The following HS3ST3A1 variants were observed in gnomAD, a reference collection of about 807,000 sequenced individuals.
The protein encoded by HS3ST3A1 is heparan sulfate-glucosamine 3-sulfotransferase 3A1, also known as heparan sulfate glucosamine 3-O-sulfotransferase 3A1.
HS3ST3A1 carries 19 observed loss-of-function variants against 25.7 expected under a neutral mutation model. The ratio of observed to expected loss-of-function variants is 0.74; its 90% CI spans 0.52 to 1.08. The LOEUF is 1.08. Ranked by LOEUF, HS3ST3A1 falls within the 50% of genes least tolerant of loss-of-function variation. HS3ST3A1 has a pLI of 0.00. For missense variants in HS3ST3A1, 459 were observed against 594.3 expected (o/e 0.77, Z 2.37); for synonymous variants, 226 against 278.6 (o/e 0.81, Z 1.88).
In HS3ST3A1 at chr17:13,495,241, A is replaced by G. The variant is rs1598404087; in HGVS notation, c.*956T>C. Among the ~76,000 whole-genome samples the G allele has an allele frequency of 6.6e-6, 1 of 152,038 alleles. No individual in the cohort carries two copies. Among genetic ancestry groups the G allele is most frequent in the African/African-American group, 2.4e-5 (1 of 41,364 alleles). On this transcript the variant is annotated 3_prime_UTR_variant, in exon 2 of 2. Coordinates refer to ENST00000284110, the MANE Select transcript of HS3ST3A1 (RefSeq NM_006042.3). ...AGTGTGGCTGGCCACCTTGTCCTCC[A>G]TGCAAGAATCCAATAATTCCTCTCC... is the stretch of plus-strand genomic sequence containing the variant.
At chr17:13,546,557 C>T (rs953836659) in intron 1 of HS3ST3A1, among the ~76,000 whole-genome samples, 16 of 152,318 alleles carry the variant, frequency 1.1e-4, no homozygotes, top group Admixed American at 5.9e-4. Flanking sequence ...TGAGCCACTG[C>T]GCCCAGCCCA....
chr17:13,551,066 C>CAAA (rs3080921), intron 1 of HS3ST3A1, among the ~76,000 whole-genome samples: 17,369 of 123,056 alleles, frequency 0.14, 1,287 homozygotes, highest in African/African-American at 0.15. Flanking sequence ...GACTCTGTCT[C>CAAA]AAAAAAAAAA....
chr17:13,532,350 A>G (rs185748127), intron 1 of HS3ST3A1, among the ~76,000 whole-genome samples: 1 of 152,322 alleles, frequency 6.6e-6, no homozygotes, highest in East Asian at 1.9e-4. Flanking sequence ...CAATGGTGCC[A>G]GGAAGACCAG....
intron 1 of HS3ST3A1, among the ~76,000 whole-genome samples, chr17:13,547,391 AC>A (rs1270921689): frequency 2.6e-5 from 4 of 152,180 alleles, no homozygotes; most frequent in African/African-American, 9.7e-5. Flanking sequence ...GGGAGTTGGA[AC>A]TTTTAGCCTC....
At chr17:13,536,492 C>CA (rs1906774377) in intron 1 of HS3ST3A1, among the ~76,000 whole-genome samples, 1 of 152,162 alleles carries the variant, frequency 6.6e-6, no homozygotes, top group Admixed American at 6.5e-5. Flanking sequence ...CCCCTCTGCA[C>CA]TGTCACATGG....
intron 1 of HS3ST3A1, among the ~76,000 whole-genome samples, chr17:13,556,440 G>A (rs1281804090): frequency 3.3e-5 from 5 of 151,210 alleles, no homozygotes; most frequent in South Asian, 2.1e-4. Context: ...CCCGGGAGGC[G>A]GAGCTTGCAG....
At chr17:13,583,409 A>C (rs956226565) in intron 1 of HS3ST3A1, among the ~76,000 whole-genome samples, 10 of 152,210 alleles carry the variant, frequency 6.6e-5, no homozygotes, top group Non-Finnish European at 8.8e-5. Context: ...AGAGAGTCAC[A>C]AGGAGTCTGG....
rs1261293586 is a variant in HS3ST3A1 at position 13,494,618 on chromosome 17, AT to A, written c.*1578del. Among the ~76,000 whole-genome samples, 7 of 152,186 alleles carry A rather than the reference AT, an allele frequency of 4.6e-5. No individual in the cohort carries two copies. The highest frequency in any genetic ancestry group is 3.3e-4 in the Admixed American group (5 of 15,282). On this transcript the variant is annotated 3_prime_UTR_variant, in exon 2 of 2. Transcript: ENST00000284110. ...AGAAAACTTCCATGAAATAGAAGAC[AT>A]TTTTCCTCTTGGGTTTAAATTTCTA...
At chr17:13,534,142 C>T (rs1290141637) in intron 1 of HS3ST3A1, among the ~76,000 whole-genome samples, 3 of 152,140 alleles carry the variant, frequency 2.0e-5, no homozygotes, top group Non-Finnish European at 4.4e-5. Flanking sequence ...ATCCTGCTTG[C>T]TCTACTTAGT....
chr17:13,510,351 G>T (rs897931345), intron 1 of HS3ST3A1, among the ~76,000 whole-genome samples: 6 of 152,250 alleles, frequency 3.9e-5, no homozygotes, highest in Admixed American at 1.3e-4. Context: ...AGATAAGGGG[G>T]GAAAACGTGT....
intron 1 of HS3ST3A1, among the ~76,000 whole-genome samples, chr17:13,525,106 G>A (rs143806211): frequency 1.1e-3 from 164 of 152,228 alleles, no homozygotes; most frequent in Middle Eastern, 3.4e-3. Context: ...ATACTCGCAA[G>A]TCTGGTAAGT....
At chr17:13,576,140 T>C (rs1907943170) in intron 1 of HS3ST3A1, among the ~76,000 whole-genome samples, 1 of 152,218 alleles carries the variant, frequency 6.6e-6, no homozygotes, top group African/African-American at 2.4e-5. Flanking sequence ...CATTAACAAT[T>C]GCGGCACAGC....
intron 1 of HS3ST3A1, among the ~76,000 whole-genome samples, chr17:13,553,826 C>T (rs935310271): frequency 3.3e-5 from 5 of 152,200 alleles, no homozygotes; most frequent in African/African-American, 1.2e-4. Flanking sequence ...CTCTCAGGTA[C>T]TTCCTTTGAA....
At chr17:13,597,810 A>G (rs1908620666) in intron 1 of HS3ST3A1, among the ~76,000 whole-genome samples, 2 of 152,198 alleles carry the variant, frequency 1.3e-5, no homozygotes, top group South Asian at 4.1e-4. Flanking sequence ...CTTCCCAGTG[A>G]GAGTAATTGA....
intron 1 of HS3ST3A1, among the ~76,000 whole-genome samples, chr17:13,500,341 G>A (rs546497625): frequency 2.0e-5 from 3 of 152,228 alleles, no homozygotes; most frequent in Admixed American, 6.5e-5. Context: ...ACTTTTAATG[G>A]CAAAACCTAC....
At chr17:13,524,089 A>T (rs1165813588) in intron 1 of HS3ST3A1, among the ~76,000 whole-genome samples, 1 of 152,048 alleles carries the variant, frequency 6.6e-6, no homozygotes, top group Non-Finnish European at 1.5e-5. Context: ...ATAGTTTTTA[A>T]CCTTATATTG....
chr17:13,549,106 A>G (rs766561662), intron 1 of HS3ST3A1, among the ~76,000 whole-genome samples: 3 of 152,200 alleles, frequency 2.0e-5, no homozygotes, highest in Non-Finnish European at 4.4e-5. Context: ...TTTATGAGCT[A>G]TAACACTCAC....
At chr17:13,583,766 C>G (rs1016585673) in intron 1 of HS3ST3A1, among the ~76,000 whole-genome samples, 4 of 152,178 alleles carry the variant, frequency 2.6e-5, no homozygotes, top group African/African-American at 9.7e-5. Flanking sequence ...TTCTCTATTT[C>G]TTTTCTCTAC....
At position 13,601,177 on chromosome 17, in the gene HS3ST3A1, G is replaced by T; in HGVS notation, c.-48C>A. 2 of 1,372,720 alleles carry T rather than the reference G, an allele frequency of 1.5e-6. No homozygotes were observed. The highest frequency in any genetic ancestry group is 1.5e-5 in the South Asian group (1 of 65,664). The allele number at this position is 1,372,720 out of a possible 1,614,324, so 85.0% of individuals were successfully genotyped here. On this transcript the variant is annotated 5_prime_UTR_variant, in exon 1 of 2. Transcript: ENST00000284110. ...CAACGCGCCGGCCATGCTAGGCCTG[G>T]ACCCCGACAGGTGCCAGAGCATCCC...
Sources: allele counts gnomAD v4.1 joint callset (sites outside exome capture counted in the v4.1 genomes callset), GRCh38; gene constraint gnomAD v4.1.1; transcripts MANE v1.5; gene names NCBI Gene and HGNC (gene_info 2026-07-23, HGNC 2026-07-21).